Variants in DSTYK observed in about 807,000 individuals in gnomAD.
DSTYK encodes dual serine/threonine and tyrosine protein kinase.
Under a neutral mutation model 98.7 loss-of-function variants are expected in DSTYK, and 34 were observed. The observed-to-expected ratio is 0.34, with a 90% CI of 0.26 to 0.46. The LOEUF (loss-of-function observed/expected upper bound fraction) is 0.46. DSTYK is among the 20% of genes least tolerant of loss of function. The probability of loss-of-function intolerance (pLI) is 1.00; values close to 1 mark genes in which losing one functional copy is unlikely to be tolerated. For missense variants in DSTYK, 962 were observed against 1,181.7 expected, an observed-to-expected ratio of 0.81 and a Z score of 2.73; for synonymous variants, 462 against 457.3, an observed-to-expected ratio of 1.01 and a Z score of -0.13.
chr1:205,176,031 A>G (rs1658217649), intron 2 of DSTYK, among the ~76,000 whole-genome samples: 1 of 152,234 alleles, frequency 6.6e-6, no homozygotes, highest in Non-Finnish European at 1.5e-5. Flanking sequence ...TCAAGTAAAA[A>G]GAATCTCAAG....
At chr1:205,178,870 C>G (rs2102432119) in intron 2 of DSTYK, among the ~76,000 whole-genome samples, 1 of 152,290 alleles carries the variant, frequency 6.6e-6, no homozygotes, top group African/African-American at 2.4e-5. Flanking sequence ...CACACTGACT[C>G]ATGTTTGTAA....
intron 1 of DSTYK, among the ~76,000 whole-genome samples, chr1:205,201,649 T>C (rs1334088332): frequency 2.6e-5 from 4 of 152,218 alleles, no homozygotes; most frequent in African/African-American, 9.7e-5. Context: ...TTGCCCATTA[T>C]GTACAAAGCA....
chr1:205,187,908 A>G (rs1311367840), intron 1 of DSTYK, 102 bp from the exon 2 acceptor site: 23 of 1,207,488 alleles, frequency 1.9e-5, no homozygotes, highest in South Asian at 1.1e-4. Context: ...TGAGGAAGAC[A>G]AGGTCCTAGA....
intron 1 of DSTYK, among the ~76,000 whole-genome samples, chr1:205,188,211 C>T (rs985729899): frequency 5.9e-5 from 9 of 152,210 alleles, no homozygotes; most frequent in African/African-American, 1.7e-4. Flanking sequence ...CAAGGAGAAA[C>T]GTAACTGAAT....
At chr1:205,154,823 G>A (rs561874895) in intron 10 of DSTYK, among the ~76,000 whole-genome samples, 6 of 152,192 alleles carry the variant, frequency 3.9e-5, no homozygotes, top group Admixed American at 1.3e-4. Context: ...AGGCTAAGGT[G>A]GTCTCAGATG....
chr1:205,159,373 G>A (rs958307842), intron 9 of DSTYK, among the ~76,000 whole-genome samples, 174 bp downstream of exon 9: 69 of 152,194 alleles, frequency 4.5e-4, no homozygotes, highest in African/African-American at 1.6e-3. Flanking sequence ...ACAGGGGTGA[G>A]CCACCATGCC....
At position 205,169,818 on chromosome 1, in the gene DSTYK, C is replaced by G; in HGVS notation, c.669G>C (p.Val223=). The G allele has an allele frequency of 6.2e-7, 1 of 1,611,260 alleles. No individual in the cohort carries two copies. Among genetic ancestry groups the G allele is most frequent in the Non-Finnish European group, 8.5e-7 (1 of 1,178,424 alleles). ...GCCGGAGGCCTTGGCATGGTGCTAC[C>G]ACAACGTCCACTTCCTGGAAGGGGA... ...HHALLQEVDV[V]VAPCQGLRPT... The change falls in exon 3 of 13, where the codon GTG becomes GTC. Residue 223 remains valine (V), a synonymous_variant. Coordinates refer to ENST00000367162, the MANE Select transcript of DSTYK (RefSeq NM_015375.3). This position sits in a 1 kb window ranked among gnomAD's most constrained non-coding sequence, Gnocchi z 4.0.
rs1196287633 is a variant in DSTYK at position 205,147,157 on chromosome 1, T to C, written c.*401A>G. The C allele has an allele frequency of 6.4e-6, 1 of 155,874 alleles. No homozygotes were observed. Among genetic ancestry groups the C allele is most frequent in the East Asian group, 1.9e-4 (1 of 5,312 alleles). 9.7% of individuals were successfully genotyped at this position (155,874 alleles called of 1,614,324 possible). A position where few individuals can be genotyped will look rare whatever the true frequency, so the allele number is the denominator to read the frequency against. On this transcript the variant is annotated 3_prime_UTR_variant, in exon 13 of 13. Transcript: ENST00000367162. ...TTCTGAGTCCTGACTAAACTATTCC[T>C]AGCTAGAGCCAAAAATCATGAGAAT...
At chr1:205,151,833 G>A (rs1558598456) in intron 10 of DSTYK, among the ~76,000 whole-genome samples, 1 of 151,812 alleles carries the variant, frequency 6.6e-6, no homozygotes, top group African/African-American at 2.4e-5. Context: ...AGGTTTTCGG[G>A]GACAATAATA....
At position 205,160,173 on chromosome 1, in the gene DSTYK, T is replaced by A; in HGVS notation, c.2046A>T (p.Ser682=). ...AGTGCTTCTCATCTGGAGGGACAAC[T>A]GATTTGAGGGCACAAGGGAAGTGTC... ...WGGHFPCALK[S]VVPPDEKHWN... is the part of the protein sequence containing the mutation. Residue 682 remains serine, a synonymous_variant, in exon 8 of 13, where the codon TCA becomes TCT. Coordinates refer to ENST00000367162, the MANE Select transcript of DSTYK (RefSeq NM_015375.3). 6.2e-7 allele frequency: 1 copy of A among 1,614,094 alleles called. No homozygotes were observed. The highest frequency in any genetic ancestry group is 8.5e-7 in the Non-Finnish European group (1 of 1,180,002).
In DSTYK at chr1:205,162,045, G is replaced by A; in HGVS notation, c.1809C>T (p.Ser603=). 1 of 1,613,516 alleles carries A rather than the reference G, an allele frequency of 6.2e-7. No individual in the cohort carries two copies. Among genetic ancestry groups the A allele is most frequent in the Non-Finnish European group, 8.5e-7 (1 of 1,179,510 alleles). The change falls in exon 6 of 13, where the codon TCC becomes TCT. Residue 603 remains serine (S), a synonymous_variant. Coordinates refer to ENST00000367162, the MANE Select transcript of DSTYK (RefSeq NM_015375.3). The part of the protein sequence containing the change: ...LNSSHEAFAA[S]LRQLEAGHSG... The stretch of plus-strand genomic sequence containing the variant: ...TTTCCTACATACCAACCTGCCGCAA[G>A]GAGGCTGCAAAAGCCTCGTGGGAAC...
At chr1:205,203,546 A>G (rs1466047911) in intron 1 of DSTYK, among the ~76,000 whole-genome samples, 29 of 4,894 alleles carry the variant, frequency 5.9e-3, no homozygotes, top group Admixed American at 0.012. Flanking sequence ...TACGGTAGGG[A>G]AGGGGAGGGG....
rs1206145043 is a variant in DSTYK at position 205,142,708 on chromosome 1, G to A, written c.*4850C>T. The stretch of plus-strand genomic sequence containing the variant: ...GGAAAGAGCCAGGTAGCACAAGAAA[G>A]GAGAGAGGATAAAGACTGAAGTGTG... On this transcript the variant is annotated 3_prime_UTR_variant, in exon 13 of 13. Transcript: ENST00000367162. 6.6e-6 allele frequency: 1 copy of A among 152,244 alleles called. No individual in the cohort carries two copies. Among genetic ancestry groups the A allele is most frequent in the Non-Finnish European group, 1.5e-5 (1 of 68,030 alleles). The allele number at this position is 152,244 out of a possible 1,614,324, so 9.4% of individuals were successfully genotyped here. A position where few individuals can be genotyped will look rare whatever the true frequency, so the allele number is the denominator to read the frequency against.
At chr1:205,160,788 GT>G (rs35547823) in intron 7 of DSTYK, among the ~76,000 whole-genome samples, 28,164 of 145,228 alleles carry the variant, frequency 0.19, 3,346 homozygotes, top group East Asian at 0.52. Context: ...GTTTTTTGTT[GT>G]TTTTTTTTTT....
Position 205,198,853 on chromosome 1 carries a change from G to A in DSTYK, c.266-11047C>T, listed in dbSNP as rs564610236. Among the ~76,000 whole-genome samples, 50 of 136,950 alleles carry A rather than the reference G, an allele frequency of 3.7e-4. 1 individual carries two copies. The South Asian group carries it at 0.011, about 30-fold the overall frequency. The allele number at this position is 136,950 out of a possible 152,430, so 89.8% of individuals were successfully genotyped here. Reference sequence around the variant, plus strand: ...CTAAAGCTTTTTTTTTTTTTTTTGAGATGGAGCCTCGCTCTGTCGCCAGGC... The same window carrying A: ...CTAAAGCTTTTTTTTTTTTTTTTGAAATGGAGCCTCGCTCTGTCGCCAGGC... On this transcript the variant is annotated intron_variant, in intron 1 of 12. Coordinates refer to ENST00000367162, the MANE Select transcript of DSTYK (RefSeq NM_015375.3).
chr1:205,149,275 C>T (rs755529639), intron 11 of DSTYK, among the ~76,000 whole-genome samples: 7 of 151,910 alleles, frequency 4.6e-5, no homozygotes, highest in East Asian at 3.9e-4. Context: ...ATGTTGAGTA[C>T]GACTACAGCT....
chr1:205,158,757 T>C (rs1382473555), intron 9 of DSTYK, among the ~76,000 whole-genome samples: 8 of 152,190 alleles, frequency 5.3e-5, no homozygotes, highest in Admixed American at 3.9e-4. Context: ...CATGGTATAT[T>C]TGTCAAACTC....
In DSTYK at chr1:205,146,505, T is replaced by A. The variant is rs1657237221; in HGVS notation, c.*1053A>T. On this transcript the variant is annotated 3_prime_UTR_variant, in exon 13 of 13. Transcript: ENST00000367162. ...ATCCAATAACTCCTGTGTGTATGTC[T>A]ATATAGATAGAGATATAGACACACA... 2 of 152,044 alleles carry A rather than the reference T, an allele frequency of 1.3e-5. No individual in the cohort carries two copies. The highest frequency in any genetic ancestry group is 1.3e-4 in the Admixed American group (2 of 15,268). 9.4% of individuals were successfully genotyped at this position (152,044 alleles called of 1,614,324 possible).
Position 205,169,862 on chromosome 1 carries a change from GC to G in DSTYK, c.655-31del. The stretch of plus-strand genomic sequence containing the variant: ...AAGGGGAAGGGGGTCATATATCAGC[GC>G]CTCAGGGTCAGAACCAATCCCTGTC... On this transcript the variant is annotated intron_variant, in intron 2 of 12. Coordinates refer to ENST00000367162, the MANE Select transcript of DSTYK (RefSeq NM_015375.3). The surrounding 1 kb of genome is among the most constrained non-coding windows in gnomAD (Gnocchi z 4.0). The G allele has an allele frequency of 6.3e-7, 1 of 1,579,498 alleles. No individual in the cohort carries two copies. Among genetic ancestry groups the G allele is most frequent in the Non-Finnish European group, 8.6e-7 (1 of 1,165,502 alleles).
Sources: gnomAD v4.1 joint callset for allele counts (sites outside exome capture counted in the v4.1 genomes callset) on GRCh38, gnomAD v4.1.1 for gene constraint, Gnocchi (gnomAD v3.1) non-coding constraint, MANE v1.5 for transcripts, NCBI Gene and HGNC (gene_info 2026-07-23, HGNC 2026-07-21) for gene names.